Variants in ERBB4 observed in about 807,000 individuals in gnomAD.
ERBB4 encodes the protein erb-b2 receptor tyrosine kinase 4.
A neutral mutation model predicts 158.0 loss-of-function variants in ERBB4; 42 were observed. The observed-to-expected ratio is 0.27, with a 90% CI of 0.21 to 0.34. The LOEUF (loss-of-function observed/expected upper bound fraction) is 0.34, where lower values mean the gene tolerates loss of function less well. Ranked by LOEUF, ERBB4 falls within the 10% of genes least tolerant of loss-of-function variation. The pLI is 1.00. For synonymous variants in ERBB4, 583 were observed against 558.7 expected (o/e 1.04, Z -0.61); for missense variants, 1,333 against 1,624.1 (o/e 0.82, Z 3.08).
In ERBB4 at chr2:211,376,339, AAATC is replaced by A. The variant is rs1193534576; in HGVS notation, c.*7272_*7275del. On this transcript the variant is annotated 3_prime_UTR_variant, in exon 28 of 28. Transcript: ENST00000342788. Reference sequence around the variant, plus strand: ...TCCAAATAAAGATGTCCACAAAAGAAAATCAAAGCAACATTATACTTATTTACAA... The same window carrying A: ...TCCAAATAAAGATGTCCACAAAAGAAAAAGCAACATTATACTTATTTACAA... 8.6e-6 allele frequency: 2 copies of A among 232,956 alleles called. No individual in the cohort carries two copies. The highest frequency in any genetic ancestry group is 1.7e-5 in the Non-Finnish European group (2 of 117,700). The allele number at this position is 232,956 out of a possible 1,614,324, so 14.4% of individuals were successfully genotyped here. A position where few individuals can be genotyped will look rare whatever the true frequency, so the allele number is the denominator to read the frequency against.
intron 20 of ERBB4, among the ~76,000 whole-genome samples, chr2:211,488,572 C>A (rs1309567254): frequency 6.6e-6 from 1 of 151,964 alleles, no homozygotes; most frequent in Non-Finnish European, 1.5e-5. Context: ...CAATTAAAAG[C>A]AGCCAATTTT....
chr2:212,046,336 T>G (rs542164383), intron 2 of ERBB4, among the ~76,000 whole-genome samples: 4 of 152,210 alleles, frequency 2.6e-5, no homozygotes, highest in Non-Finnish European at 5.9e-5. Context: ...CCATTAACCA[T>G]GTTTGCACAT....
chr2:212,211,901 T>C (rs2082948012), intron 1 of ERBB4, among the ~76,000 whole-genome samples: 1 of 151,812 alleles, frequency 6.6e-6, no homozygotes, highest in Non-Finnish European at 1.5e-5. Flanking sequence ...CTCATTTCTT[T>C]TTATGGCAAC....
At position 212,134,929 on chromosome 2, in the gene ERBB4, G is replaced by A. The variant is rs547493476; in HGVS notation, c.83-10026C>T. On this transcript the variant is annotated intron_variant, in intron 1 of 27. Coordinates refer to ENST00000342788, the MANE Select transcript of ERBB4 (RefSeq NM_005235.3). Reference sequence around the variant, plus strand: ...TCTCGATCTCCTGACCTCGTGATCCGCCTGCCTCGGCCTCCCAAAGTGCTG... The same window carrying A: ...TCTCGATCTCCTGACCTCGTGATCCACCTGCCTCGGCCTCCCAAAGTGCTG... Among the ~76,000 whole-genome samples the A allele has an allele frequency of 5.8e-4, 88 of 151,932 alleles. 1 individual carries two copies. The highest frequency in any genetic ancestry group is 1.4e-3 in the East Asian group (7 of 5,156).
chr2:211,566,089 G>C (rs1351803013), intron 19 of ERBB4, among the ~76,000 whole-genome samples: 1 of 152,184 alleles, frequency 6.6e-6, no homozygotes, highest in Non-Finnish European at 1.5e-5. Context: ...CGCCTAGCAA[G>C]GACTTCAGCA....
intron 3 of ERBB4, among the ~76,000 whole-genome samples, chr2:211,812,665 G>C (rs2105920186): frequency 1.3e-5 from 2 of 152,302 alleles, no homozygotes; most frequent in East Asian, 1.9e-4. Context: ...CATACAGGCA[G>C]CAGGCCTTGC....
intron 4 of ERBB4, among the ~76,000 whole-genome samples, chr2:211,775,256 CT>C (rs1266724257): frequency 6.6e-6 from 1 of 152,138 alleles, no homozygotes; most frequent in African/African-American, 2.4e-5. Flanking sequence ...GGTCTTTCAG[CT>C]GTTCTTGAGT....
intron 2 of ERBB4, among the ~76,000 whole-genome samples, chr2:212,059,027 T>A (rs1359106556): frequency 5.9e-5 from 9 of 152,194 alleles, no homozygotes; most frequent in Non-Finnish European, 2.9e-5. Context: ...GACATGATTG[T>A]ATATTTAGAA....
chr2:211,980,026 C>T (rs953822229), intron 2 of ERBB4, among the ~76,000 whole-genome samples: 33 of 152,098 alleles, frequency 2.2e-4, no homozygotes, highest in Non-Finnish European at 1.5e-4. Flanking sequence ...GATTCCTCAA[C>T]GTGACATTTA....
chr2:212,511,697 TA>T (rs1167072082), intron 1 of ERBB4, among the ~76,000 whole-genome samples: 2 of 152,194 alleles, frequency 1.3e-5, no homozygotes, highest in Admixed American at 6.5e-5. Context: ...ATGAATCTGC[TA>T]CTTAGGTAAC....
At chr2:211,795,415 A>G (rs1420301163) in intron 3 of ERBB4, among the ~76,000 whole-genome samples, 2 of 151,906 alleles carry the variant, frequency 1.3e-5, no homozygotes, top group African/African-American at 4.8e-5. Flanking sequence ...TTATTTAAAT[A>G]GTGGTTACTT....
intron 1 of ERBB4, among the ~76,000 whole-genome samples, chr2:212,307,748 G>T (rs556627926): frequency 3.2e-4 from 49 of 151,182 alleles, no homozygotes; most frequent in African/African-American, 1.2e-3. Flanking sequence ...AAAATACAGA[G>T]ATTTCATGTA....
chr2:212,144,959 G>A (rs2080615520), intron 1 of ERBB4, among the ~76,000 whole-genome samples: 1 of 152,100 alleles, frequency 6.6e-6, no homozygotes, highest in Admixed American at 6.5e-5. Flanking sequence ...GTGTTTAACA[G>A]TTGATATCTC....
intron 1 of ERBB4, among the ~76,000 whole-genome samples, chr2:212,535,665 C>T (rs998881212): frequency 6.6e-6 from 1 of 152,122 alleles, no homozygotes; most frequent in Non-Finnish European, 1.5e-5. Flanking sequence ...TTAGCAAAGG[C>T]TTTATAATTG....
At chr2:212,248,904 T>C (rs1467953587) in intron 1 of ERBB4, among the ~76,000 whole-genome samples, 1 of 152,164 alleles carries the variant, frequency 6.6e-6, no homozygotes, top group East Asian at 1.9e-4. Context: ...ACCTATTAAA[T>C]ACATTTCTAT....
intron 1 of ERBB4, among the ~76,000 whole-genome samples, chr2:212,220,171 A>G (rs768926393): frequency 2.0e-5 from 3 of 151,610 alleles, no homozygotes; most frequent in Non-Finnish European, 3.0e-5. Flanking sequence ...CAAAGTCCTC[A>G]GGCAATGAGA....
chr2:211,450,027 A>C (rs2064205625), intron 20 of ERBB4, among the ~76,000 whole-genome samples: 1 of 152,206 alleles, frequency 6.6e-6, no homozygotes. Context: ...TCCATTTTAC[A>C]AATAATGAAA....
chr2:211,669,925 G>C (rs1482396375), intron 14 of ERBB4, among the ~76,000 whole-genome samples: 1 of 152,174 alleles, frequency 6.6e-6, no homozygotes, highest in African/African-American at 2.4e-5. Flanking sequence ...TTTAAAGGGA[G>C]AAAGTGATAG....
At chr2:211,968,643 G>T (rs1418861615) in intron 2 of ERBB4, among the ~76,000 whole-genome samples, 4 of 151,920 alleles carry the variant, frequency 2.6e-5, no homozygotes, top group Non-Finnish European at 5.9e-5. Flanking sequence ...AACTGAAAAT[G>T]ACCATTGGCT....
Sources: gnomAD v4.1 joint callset for allele counts (sites outside exome capture counted in the v4.1 genomes callset) on GRCh38, gnomAD v4.1.1 for gene constraint, MANE v1.5 for transcripts, NCBI Gene and HGNC (gene_info 2026-07-23, HGNC 2026-07-21) for gene names.